TEAD1: variants seen among roughly 807,000 people sequenced by gnomAD.
TEAD1 encodes the protein transcriptional enhancer factor TEF-1.
TEAD1 carries 9 observed loss-of-function variants against 54.9 expected under a neutral mutation model. The observed-to-expected ratio is 0.16, with a 90% CI of 0.10 to 0.29. TEAD1 has a LOEUF of 0.29. Among genes scored for constraint, TEAD1 ranks in the 10% least tolerant of loss-of-function variants. TEAD1 has a pLI of 1.00. For synonymous variants in TEAD1, 200 were observed against 187.8 expected (o/e 1.07, Z -0.53); for missense variants, 387 against 535.9 (o/e 0.72, Z 2.74).
intron 3 of TEAD1, among the ~76,000 whole-genome samples, chr11:12,822,824 A>G (rs886748164): frequency 5.3e-5 from 8 of 152,200 alleles, no homozygotes; most frequent in East Asian, 1.9e-4. Context: ...GAACCATGCA[A>G]TTATCTCATG....
At chr11:12,731,822 C>T (rs1944430858) in intron 2 of TEAD1, among the ~76,000 whole-genome samples, 1 of 152,192 alleles carries the variant, frequency 6.6e-6, no homozygotes, top group South Asian at 2.1e-4. Flanking sequence ...GCCTCACTGT[C>T]CCCATTTCTC....
rs180691899 is a variant in TEAD1, at chr11:12,834,037, T to G, written c.203-28213T>G. On this transcript the variant is annotated intron_variant, in intron 3 of 12. Transcript: ENST00000527636. ...GTTGCAATTGTTGCATTTTGAGGAA[T>G]GAGAATTTAAGATTTGAATCCGAGA... is the stretch of plus-strand genomic sequence containing the variant. 3.9e-5 allele frequency among the ~76,000 whole-genome samples: 6 copies of G among 152,316 alleles called. No individual in the cohort carries two copies. In the East Asian group the frequency reaches 1.2e-3, roughly 29 times the overall value.
At chr11:12,810,126 G>T (rs922584355) in intron 3 of TEAD1, among the ~76,000 whole-genome samples, 77 of 151,898 alleles carry the variant, frequency 5.1e-4, no homozygotes, top group African/African-American at 1.8e-3. Flanking sequence ...GACTATAGGC[G>T]CACACCACCA....
At chr11:12,763,966 A>G (rs1037673261) in intron 2 of TEAD1, among the ~76,000 whole-genome samples, 1 of 152,232 alleles carries the variant, frequency 6.6e-6, no homozygotes, top group East Asian at 1.9e-4. Flanking sequence ...CATATTCTCC[A>G]GTAGGAGTTA....
Position 12,902,189 on chromosome 11 carries a change from C to T in TEAD1, c.873+76C>T, listed in dbSNP as rs562807641. The T allele has an allele frequency of 3.1e-5, 49 of 1,588,234 alleles. No individual in the cohort carries two copies. The African/African-American group carries it at 6.0e-4, about 20-fold the overall frequency. ...TCTCTTACATGAGCACAGTGCAGCA[C>T]AGCTGGCTTTGGATTTACACTGAGT... On this transcript the variant is annotated intron_variant, in intron 10 of 12. Transcript: ENST00000527636.
chr11:12,873,239 C>G (rs1830898147), intron 5 of TEAD1, among the ~76,000 whole-genome samples: 1 of 152,178 alleles, frequency 6.6e-6, no homozygotes, highest in African/African-American at 2.4e-5. Flanking sequence ...TCCTCTGGCC[C>G]CTTGCTGTCA....
chr11:12,897,131 T>G lies in TEAD1; in HGVS notation c.700-4809T>G, dbSNP rs547729262. 2.0e-5 allele frequency among the ~76,000 whole-genome samples: 3 copies of G among 152,264 alleles called. No individual in the cohort carries two copies. The South Asian group carries it at 6.2e-4, about 32-fold the overall frequency. On this transcript the variant is annotated intron_variant, in intron 9 of 12. Coordinates refer to ENST00000527636, the MANE Select transcript of TEAD1 (RefSeq NM_021961.6). ...TCTTGATCCCAAATGCCAGTTTTCT[T>G]TCCCAAATGCCAGTTTTCTCTTATG...
chr11:12,924,369 C>T (rs1415285454), intron 10 of TEAD1, among the ~76,000 whole-genome samples: 2 of 152,162 alleles, frequency 1.3e-5, no homozygotes, highest in East Asian at 3.9e-4. Flanking sequence ...CTAGCATGAA[C>T]CTTTCATAGT....
At chr11:12,736,492 A>G (rs1486454666) in intron 2 of TEAD1, among the ~76,000 whole-genome samples, 1 of 152,240 alleles carries the variant, frequency 6.6e-6, no homozygotes, top group Non-Finnish European at 1.5e-5. Flanking sequence ...GGATACAAAT[A>G]ATCACCTGTC....
chr11:12,755,540 C>T (rs890591378), intron 2 of TEAD1, among the ~76,000 whole-genome samples: 4 of 152,170 alleles, frequency 2.6e-5, no homozygotes, highest in African/African-American at 7.2e-5. Context: ...TTTTCTTTGA[C>T]TGTTACTCCT....
intron 3 of TEAD1, among the ~76,000 whole-genome samples, chr11:12,784,738 A>G (rs1246569265): frequency 6.6e-6 from 1 of 152,204 alleles, no homozygotes; most frequent in Non-Finnish European, 1.5e-5. Context: ...GGGTCAGCCC[A>G]GGATCCTAGT....
At chr11:12,901,568 C>T (rs910527892) in intron 9 of TEAD1, among the ~76,000 whole-genome samples, 5 of 152,166 alleles carry the variant, frequency 3.3e-5, no homozygotes, top group Admixed American at 2.6e-4. Flanking sequence ...GCTAACTGCA[C>T]ACAGATTTCT....
chr11:12,803,885 C>A (rs536852510), intron 3 of TEAD1, among the ~76,000 whole-genome samples: 22 of 152,280 alleles, frequency 1.4e-4, no homozygotes, highest in Non-Finnish European at 2.8e-4. Flanking sequence ...TTATAGGACG[C>A]CAACACTTGT....
intron 3 of TEAD1, among the ~76,000 whole-genome samples, chr11:12,787,059 G>C (rs1346149468): frequency 2.0e-5 from 3 of 152,152 alleles, no homozygotes; most frequent in Non-Finnish European, 2.9e-5. Flanking sequence ...ATAGCCCTCT[G>C]TAAGGATATG....
At chr11:12,710,159 T>C (rs1156409026) in intron 2 of TEAD1, among the ~76,000 whole-genome samples, 1 of 151,922 alleles carries the variant, frequency 6.6e-6, no homozygotes, top group Admixed American at 6.6e-5. Context: ...AGTCCTTGTC[T>C]CTACAAAAAA....
At chr11:12,717,707 C>T (rs1200404453) in intron 2 of TEAD1, among the ~76,000 whole-genome samples, 1 of 152,186 alleles carries the variant, frequency 6.6e-6, no homozygotes, top group Non-Finnish European at 1.5e-5. Flanking sequence ...TAGTAGGGGT[C>T]TGTACCCCAC....
chr11:12,731,129 G>A (rs184513439), intron 2 of TEAD1, among the ~76,000 whole-genome samples: 1 of 152,086 alleles, frequency 6.6e-6, no homozygotes, highest in Non-Finnish European at 1.5e-5. Context: ...GGGTCTCTTA[G>A]AATCTTTATC....
At chr11:12,778,567 T>C (rs922320642) in intron 3 of TEAD1, among the ~76,000 whole-genome samples, 3 of 148,342 alleles carry the variant, frequency 2.0e-5, no homozygotes, top group African/African-American at 7.5e-5. Context: ...TAGTAAGCAC[T>C]GTCAGGCTCT....
At chr11:12,852,570 C>T (rs376339832) in intron 3 of TEAD1, among the ~76,000 whole-genome samples, 1 of 152,030 alleles carries the variant, frequency 6.6e-6, no homozygotes, top group Non-Finnish European at 1.5e-5. Flanking sequence ...GCCTCAGCCT[C>T]CCTAGTAGCT....
Sources: gnomAD v4.1 joint callset for allele counts (sites outside exome capture counted in the v4.1 genomes callset) on GRCh38, gnomAD v4.1.1 for gene constraint, MANE v1.5 for transcripts, NCBI Gene and HGNC (gene_info 2026-07-23, HGNC 2026-07-21) for gene names.